Variants in CTNNA3 observed in about 807,000 individuals in gnomAD.
The protein encoded by CTNNA3 is catenin alpha 3, also known as catenin alpha-3.
CTNNA3 carries 76 observed loss-of-function variants against 95.7 expected under a neutral mutation model. The observed-to-expected ratio is 0.79, with a 90% confidence interval of 0.66 to 0.96. The LOEUF is 0.96. Ranked by LOEUF, CTNNA3 falls within the 40% of genes least tolerant of loss-of-function variation. The probability of loss-of-function intolerance (pLI) is 0.00; values close to 1 mark genes in which losing one functional copy is unlikely to be tolerated. For missense variants in CTNNA3, 1,191 were observed against 1,089.8 expected (o/e 1.09, Z -1.31); for synonymous variants, 431 against 374.4 (o/e 1.15, Z -1.74).
At chr10:65,964,911 A>C (rs2077924875) in intron 17 of CTNNA3, among the ~76,000 whole-genome samples, 1 of 152,196 alleles carries the variant, frequency 6.6e-6, no homozygotes, top group Admixed American at 6.5e-5. Context: ...GTGTGTATCT[A>C]TATAAATGTA....
At chr10:67,086,973 G>T (rs191312996) in intron 7 of CTNNA3, among the ~76,000 whole-genome samples, 5 of 151,946 alleles carry the variant, frequency 3.3e-5, no homozygotes, top group African/African-American at 9.7e-5. Flanking sequence ...AAAGAAGAAT[G>T]AGATGTTTTC....
intron 12 of CTNNA3, among the ~76,000 whole-genome samples, chr10:66,302,182 A>T (rs1041331732): frequency 1.2e-4 from 18 of 152,066 alleles, no homozygotes; most frequent in African/African-American, 3.9e-4. Flanking sequence ...ATCTACATAA[A>T]TGGAGAGTGA....
At chr10:67,161,442 A>G (rs1302122705) in intron 7 of CTNNA3, among the ~76,000 whole-genome samples, 1 of 151,752 alleles carries the variant, frequency 6.6e-6, no homozygotes, top group Non-Finnish European at 1.5e-5. Flanking sequence ...TTTTCCTCAA[A>G]CTGGTAAAAT....
intron 13 of CTNNA3, among the ~76,000 whole-genome samples, chr10:66,116,015 T>C (rs2082328774): frequency 6.6e-6 from 1 of 152,214 alleles, no homozygotes; most frequent in South Asian, 2.1e-4. Context: ...TAGCTTAAGT[T>C]GGCAGCTTAT....
intron 5 of CTNNA3, among the ~76,000 whole-genome samples, chr10:67,359,410 C>T (rs749928798): frequency 1.1e-4 from 16 of 152,064 alleles, no homozygotes; most frequent in Non-Finnish European, 1.9e-4. Context: ...AAATGACAGA[C>T]ATAGAATTCA....
intron 2 of CTNNA3, among the ~76,000 whole-genome samples, chr10:67,630,660 G>GA (rs1402190070): frequency 6.6e-6 from 1 of 151,580 alleles, no homozygotes; most frequent in African/African-American, 2.4e-5. Flanking sequence ...AGGTAGAAAT[G>GA]AAAAAAAGGC....
At chr10:66,469,206 A>G (rs186726119) in intron 11 of CTNNA3, among the ~76,000 whole-genome samples, 18 of 152,104 alleles carry the variant, frequency 1.2e-4, no homozygotes, top group Non-Finnish European at 1.9e-4. Flanking sequence ...ACACTTAAAT[A>G]GTAACACAAA....
intron 3 of CTNNA3, among the ~76,000 whole-genome samples, chr10:67,544,764 T>A (rs1255065152): frequency 6.6e-6 from 1 of 152,158 alleles, no homozygotes; most frequent in African/African-American, 2.4e-5. Flanking sequence ...TTGGATAGAA[T>A]ACAAAGAAGA....
intron 9 of CTNNA3, among the ~76,000 whole-genome samples, chr10:66,687,959 G>T (rs1000665124): frequency 6.6e-6 from 1 of 152,074 alleles, no homozygotes; most frequent in Non-Finnish European, 1.5e-5. Flanking sequence ...TTTTAGATTT[G>T]CTGAGCTTGG....
chr10:67,259,316 T>C (rs926094550), intron 5 of CTNNA3, among the ~76,000 whole-genome samples: 5 of 152,188 alleles, frequency 3.3e-5, no homozygotes, highest in Admixed American at 6.5e-5. Flanking sequence ...TGGAGACATA[T>C]CTTTACAACA....
intron 4 of CTNNA3, among the ~76,000 whole-genome samples, chr10:67,523,622 G>C (rs1280217002): frequency 4.6e-5 from 7 of 152,168 alleles, no homozygotes; most frequent in African/African-American, 1.7e-4. Flanking sequence ...GAGGGACTCA[G>C]ACCACGTAGA....
intron 10 of CTNNA3, among the ~76,000 whole-genome samples, chr10:66,528,108 G>A (rs780440103): frequency 2.1e-4 from 32 of 152,082 alleles, no homozygotes; most frequent in South Asian, 2.1e-4. Flanking sequence ...GCCCACGCTC[G>A]CTCATAAGGG....
chr10:67,345,636 T>C (rs1307532369), intron 5 of CTNNA3, among the ~76,000 whole-genome samples: 1 of 152,148 alleles, frequency 6.6e-6, no homozygotes, highest in East Asian at 1.9e-4. Context: ...CTGATATAAA[T>C]GTATCTACTT....
At chr10:67,693,489 T>C (rs376327169) in intron 1 of CTNNA3, among the ~76,000 whole-genome samples, 1 of 152,188 alleles carries the variant, frequency 6.6e-6, no homozygotes, top group African/African-American at 2.4e-5. Context: ...TCTTCTTAAA[T>C]CTTAATCCCT....
At chr10:66,136,248 T>G (rs1244905547) in intron 13 of CTNNA3, among the ~76,000 whole-genome samples, 9 of 152,366 alleles carry the variant, frequency 5.9e-5, no homozygotes, top group African/African-American at 1.9e-4. Context: ...TATTGTAAAC[T>G]GCATATAATA....
intron 5 of CTNNA3, among the ~76,000 whole-genome samples, chr10:67,450,226 A>G (rs966592552): frequency 2.0e-5 from 3 of 152,168 alleles, no homozygotes; most frequent in Non-Finnish European, 4.4e-5. Flanking sequence ...ACCATTGTGG[A>G]ACGCAGTGTG....
intron 5 of CTNNA3, among the ~76,000 whole-genome samples, chr10:67,322,669 T>G (rs1678839333): frequency 6.6e-6 from 1 of 152,230 alleles, no homozygotes; most frequent in Admixed American, 6.5e-5. Flanking sequence ...TTGTGATTAG[T>G]GCTGCAATTA....
intron 15 of CTNNA3, among the ~76,000 whole-genome samples, chr10:66,053,066 C>G (rs2079996619): frequency 6.6e-6 from 1 of 151,954 alleles, no homozygotes; most frequent in Non-Finnish European, 1.5e-5. Flanking sequence ...ATAAGGCTGA[C>G]AAAAATAGTT....
intron 1 of CTNNA3, among the ~76,000 whole-genome samples, chr10:67,701,487 A>G (rs1310260499): frequency 3.3e-5 from 5 of 152,206 alleles, no homozygotes; most frequent in Non-Finnish European, 7.3e-5. Context: ...TCTTAAAGAA[A>G]AGAATTTTCA....
Sources: gnomAD v4.1 joint callset for allele counts (sites outside exome capture counted in the v4.1 genomes callset) on GRCh38, gnomAD v4.1.1 for gene constraint, MANE v1.5 for transcripts, NCBI Gene and HGNC (gene_info 2026-07-23, HGNC 2026-07-21) for gene names.